CCSER1: variants seen among roughly 807,000 people sequenced by gnomAD.
The protein encoded by CCSER1 is serine-rich coiled-coil domain-containing protein 1.
In CCSER1, 41 loss-of-function variants were observed where a neutral mutation model predicts 82.0. The ratio of observed to expected loss-of-function variants is 0.50; its 90% CI spans 0.39 to 0.65. The LOEUF (loss-of-function observed/expected upper bound fraction) is 0.65. CCSER1 is among the 30% of genes least tolerant of loss of function. CCSER1 has a pLI of 0.00. For synonymous variants in CCSER1, 414 were observed against 383.9 expected, an observed-to-expected ratio of 1.08 and a Z score of -0.92; for missense variants, 1,119 against 1,064.2, an observed-to-expected ratio of 1.05 and a Z score of -0.72.
At chr4:90,138,565 A>G (rs1194232600) in intron 1 of CCSER1, among the ~76,000 whole-genome samples, 2 of 152,222 alleles carry the variant, frequency 1.3e-5, no homozygotes, top group Non-Finnish European at 2.9e-5. Context: ...CAGCTAAACT[A>G]CATGCATTAG....
At chr4:90,367,909 A>G (rs917312500) in intron 3 of CCSER1, among the ~76,000 whole-genome samples, 4 of 151,990 alleles carry the variant, frequency 2.6e-5, no homozygotes, top group African/African-American at 9.6e-5. Context: ...ATTTACTAAT[A>G]TAGAAAATTA....
intron 5 of CCSER1, among the ~76,000 whole-genome samples, chr4:90,566,014 C>A (rs887933096): frequency 6.6e-6 from 1 of 151,270 alleles, no homozygotes; most frequent in African/African-American, 2.4e-5. Flanking sequence ...CATGCCACCA[C>A]GGCCAGCTAA....
intron 9 of CCSER1, among the ~76,000 whole-genome samples, chr4:90,926,295 A>G (rs1014286633): frequency 1.3e-5 from 2 of 152,002 alleles, no homozygotes; most frequent in Admixed American, 1.3e-4. Flanking sequence ...AATCTTGTAC[A>G]TTATGGATGT....
intron 10 of CCSER1, among the ~76,000 whole-genome samples, chr4:91,367,335 AAAAG>A (rs1247920642): frequency 1.0e-4 from 15 of 149,854 alleles, no homozygotes; most frequent in African/African-American, 3.7e-4. Context: ...AAAAAAAAAA[AAAAG>A]TTAAAATATT....
At chr4:90,748,528 T>C (rs1747950842) in intron 7 of CCSER1, among the ~76,000 whole-genome samples, 1 of 148,724 alleles carries the variant, frequency 6.7e-6, no homozygotes, top group Non-Finnish European at 1.5e-5. Context: ...GCAGCACGAT[T>C]TATAGTCCTT....
At chr4:90,555,232 C>T (rs894221721) in intron 5 of CCSER1, among the ~76,000 whole-genome samples, 12 of 151,778 alleles carry the variant, frequency 7.9e-5, no homozygotes, top group Admixed American at 2.0e-4. Flanking sequence ...TACAGATATA[C>T]GACCCAGGAA....
At chr4:90,467,425 C>A (rs972521425) in intron 4 of CCSER1, among the ~76,000 whole-genome samples, 1 of 151,236 alleles carries the variant, frequency 6.6e-6, no homozygotes, top group South Asian at 2.1e-4. Context: ...GTGGCTCATG[C>A]CTGTAATCCC....
intron 5 of CCSER1, among the ~76,000 whole-genome samples, chr4:90,604,521 A>AT (rs1784387745): frequency 6.6e-6 from 1 of 152,232 alleles, no homozygotes; most frequent in South Asian, 2.1e-4. Flanking sequence ...TAGAGATAAT[A>AT]TATGCAATGT....
chr4:91,147,146 T>A (rs1352466774), intron 10 of CCSER1, among the ~76,000 whole-genome samples: 1 of 152,182 alleles, frequency 6.6e-6, no homozygotes, highest in Non-Finnish European at 1.5e-5. Flanking sequence ...TTTTGGGATA[T>A]GTCTGCAGTT....
At chr4:90,764,128 C>G (rs1363372908) in intron 7 of CCSER1, among the ~76,000 whole-genome samples, 1 of 152,136 alleles carries the variant, frequency 6.6e-6, no homozygotes, top group Non-Finnish European at 1.5e-5. Flanking sequence ...CCACTTCATC[C>G]TCTTTTTCTG....
intron 7 of CCSER1, among the ~76,000 whole-genome samples, chr4:90,770,446 G>A (rs550213056): frequency 3.9e-5 from 6 of 152,162 alleles, no homozygotes; most frequent in Middle Eastern, 3.4e-3. Context: ...CTGGGACATG[G>A]GTCATCCAAG....
At chr4:91,524,003 A>T (rs1440236693) in intron 10 of CCSER1, among the ~76,000 whole-genome samples, 1 of 152,326 alleles carries the variant, frequency 6.6e-6, no homozygotes, top group Non-Finnish European at 1.5e-5. Flanking sequence ...CAAATCTAAC[A>T]TTGGAGGAAT....
intron 10 of CCSER1, among the ~76,000 whole-genome samples, chr4:91,395,945 C>T (rs1751951656): frequency 1.3e-5 from 2 of 152,066 alleles, no homozygotes; most frequent in Non-Finnish European, 2.9e-5. Flanking sequence ...GTTACTTTTG[C>T]ACAGAATAAA....
chr4:91,185,173 C>A (rs1056609207), intron 10 of CCSER1, among the ~76,000 whole-genome samples: 1 of 152,190 alleles, frequency 6.6e-6, no homozygotes, highest in African/African-American at 2.4e-5. Context: ...ATTTGATTTA[C>A]CCAATAAGCT....
intron 3 of CCSER1, among the ~76,000 whole-genome samples, chr4:90,388,299 ATGTTTGTTTGTT>A (rs144840089): frequency 1.3e-5 from 2 of 150,290 alleles, no homozygotes; most frequent in African/African-American, 4.9e-5. Flanking sequence ...AGTACAAGTG[ATGTTTGTTTGTT>A]TGTTTGTTTG....
chr4:90,178,610 G>A (rs952584888), intron 1 of CCSER1, among the ~76,000 whole-genome samples: 1 of 152,030 alleles, frequency 6.6e-6, no homozygotes, highest in Non-Finnish European at 1.5e-5. Flanking sequence ...GTCTTATAAG[G>A]AATAATTCAT....
At chr4:91,060,744 A>G (rs1191264923) in intron 9 of CCSER1, among the ~76,000 whole-genome samples, 15 of 152,046 alleles carry the variant, frequency 9.9e-5, no homozygotes, top group Admixed American at 9.8e-4. Context: ...TTCCTAGTTC[A>G]ACATTTTAAG....
intron 9 of CCSER1, among the ~76,000 whole-genome samples, chr4:91,020,173 T>G (rs1017968575): frequency 6.6e-6 from 1 of 152,206 alleles, no homozygotes. Flanking sequence ...GATGGAATTT[T>G]TTCTGTACTT....
chr4:91,345,988 AGATACTTGCAT>A (rs1178860583), intron 10 of CCSER1, among the ~76,000 whole-genome samples: 4 of 152,116 alleles, frequency 2.6e-5, no homozygotes, highest in Admixed American at 6.5e-5. Flanking sequence ...TATGCATTTA[AGATACTTGCAT>A]GATACTTGCA....
Sources: gnomAD v4.1 joint callset for allele counts (sites outside exome capture counted in the v4.1 genomes callset) on GRCh38, gnomAD v4.1.1 for gene constraint, MANE v1.5 for transcripts, NCBI Gene and HGNC (gene_info 2026-07-23, HGNC 2026-07-21) for gene names.